The following HEATR3 variants were observed in gnomAD, a reference collection of about 807,000 sequenced individuals.
HEATR3 encodes the protein HEAT repeat containing 3.
Under a neutral mutation model 72.8 loss-of-function variants are expected in HEATR3, and 56 were observed. The observed-to-expected ratio is 0.77, with a 90% CI of 0.62 to 0.96. The LOEUF is 0.96. HEATR3 is among the 40% of genes least tolerant of loss of function. The pLI is 0.00. For synonymous variants in HEATR3, 331 were observed against 318.1 expected, an observed-to-expected ratio of 1.04 and a Z score of -0.43; for missense variants, 747 against 831.4, an observed-to-expected ratio of 0.90 and a Z score of 1.25.
At position 50,074,627 on chromosome 16, in the gene HEATR3, A is replaced by T. The variant is rs1247230364; in HGVS notation, c.623-944A>T. 4 of 152,112 alleles carry T rather than the reference A, an allele frequency of 2.6e-5. No individual in the cohort carries two copies. In the East Asian group the frequency reaches 7.8e-4, roughly 30 times the overall value. 9.4% of individuals were successfully genotyped at this position (152,112 alleles called of 1,614,324 possible). ...AGTGCTGGGATTACGGGCATGAGCC[A>T]CCGCACCCGGCCTGAGGATAAACTT... On this transcript the variant is annotated intron_variant, in intron 5 of 14. Transcript: ENST00000299192.
chr16:50,101,573 C>T (rs2037366338), intron 13 of HEATR3, among the ~76,000 whole-genome samples: 1 of 152,138 alleles, frequency 6.6e-6, no homozygotes, highest in Non-Finnish European at 1.5e-5. Context: ...TGAACAGTTC[C>T]TCCCCGGCAC....
Position 50,102,606 on chromosome 16 carries a change from G to A in HEATR3, c.1920+171G>A, listed in dbSNP as rs991579037. 1.3e-5 allele frequency among the ~76,000 whole-genome samples: 2 copies of A among 152,134 alleles called. No homozygotes were observed. The highest frequency in any genetic ancestry group is 2.9e-5 in the Non-Finnish European group (2 of 68,030). ...TCGTTGACTGAGTCATAGCTCAACA[G>A]TGTGACTACTGAATCATTGAAACTG... On this transcript the variant is annotated intron_variant, in intron 14 of 14. Coordinates refer to ENST00000299192, the MANE Select transcript of HEATR3 (RefSeq NM_182922.4).
intron 11 of HEATR3, among the ~76,000 whole-genome samples, chr16:50,089,515 G>A (rs1289436781): frequency 6.6e-6 from 1 of 152,092 alleles, no homozygotes; most frequent in Non-Finnish European, 1.5e-5. Flanking sequence ...CCCATCTGTG[G>A]CCTTCGTATC....
intron 12 of HEATR3, 63 bp from the exon 13 acceptor site, chr16:50,100,167 T>C: frequency 6.6e-7 from 1 of 1,526,608 alleles, no homozygotes; most frequent in Non-Finnish European, 8.9e-7. Flanking sequence ...AGTCCGGTTT[T>C]CACATGCTGA....
chr16:50,075,536 C>T (rs2036705792), intron 5 of HEATR3, 35 bp from the exon 6 acceptor site: 2 of 1,580,144 alleles, frequency 1.3e-6, no homozygotes, highest in African/African-American at 2.7e-5. Flanking sequence ...AAGCAGAATT[C>T]ATTTGTTTCT....
chr16:50,079,469 C>G lies in HEATR3; in HGVS notation c.1041+451C>G, dbSNP rs76216495. Among the ~76,000 whole-genome samples, 1,242 of 152,216 alleles carry G rather than the reference C, an allele frequency of 8.2e-3. 15 individuals carry two copies. Among genetic ancestry groups the G allele is most frequent in the African/African-American group, 0.028 (1,150 of 41,540 alleles). ...AAACCTTCATTTATCCAGTACTGAT[C>G]CAAAGAGGTTGGGTGACTGTGAGAT... is the stretch of plus-strand genomic sequence containing the variant. On this transcript the variant is annotated intron_variant, in intron 7 of 14. Coordinates refer to ENST00000299192, the MANE Select transcript of HEATR3 (RefSeq NM_182922.4).
intron 12 of HEATR3, among the ~76,000 whole-genome samples, chr16:50,095,653 A>G (rs1392544354): frequency 6.6e-6 from 1 of 151,880 alleles, no homozygotes; most frequent in Non-Finnish European, 1.5e-5. Context: ...TCAGCCTCCC[A>G]AGTAGCTGGG....
intron 11 of HEATR3, among the ~76,000 whole-genome samples, chr16:50,089,138 GT>G (rs1169278264): frequency 1.3e-5 from 2 of 152,114 alleles, no homozygotes; most frequent in Non-Finnish European, 2.9e-5. Context: ...ATAATGGAAA[GT>G]TTCTGAATTG....
At chr16:50,073,342 G>A (rs2036654026) in intron 5 of HEATR3, 1 of 152,364 alleles carries the variant, frequency 6.6e-6, no homozygotes, top group South Asian at 2.1e-4. Flanking sequence ...AGAATTCTGG[G>A]TGGGAGTGGA....
intron 5 of HEATR3, 167 bp downstream of exon 5, chr16:50,072,881 A>G (rs2036644452): frequency 1.8e-6 from 1 of 564,670 alleles, no homozygotes; most frequent in African/African-American, 1.9e-5. Flanking sequence ...GATTAATATT[A>G]ATTCTTTACC....
intron 14 of HEATR3, 39 bp downstream of exon 14, chr16:50,102,474 C>A: frequency 6.3e-7 from 1 of 1,578,698 alleles, no homozygotes. Flanking sequence ...TAAGTCTGAA[C>A]ATTCTGTGGG....
chr16:50,078,782 C>A lies in HEATR3; in HGVS notation c.805C>A (p.Gln269Lys). Reference sequence around the variant, plus strand: ...AAAGGACATTATTCCATGCAAGAGTCAAGCAGAAATCATAAATGCCTTACT... The same window carrying A: ...AAAGGACATTATTCCATGCAAGAGTAAAGCAGAAATCATAAATGCCTTACT... ...NLKDIIPCKS[Q>K]AEIINALLKI... The change falls in exon 7 of 15, where the codon CAA becomes AAA. Residue 269 changes from glutamine (Q) to lysine (K), a missense_variant. Gln to Lys is a moderately conservative substitution (Grantham distance 53). Coordinates refer to ENST00000299192, the MANE Select transcript of HEATR3 (RefSeq NM_182922.4). 6.2e-7 allele frequency: 1 copy of A among 1,613,888 alleles called. No homozygotes were observed. Among genetic ancestry groups the A allele is most frequent in the South Asian group, 1.1e-5 (1 of 91,044 alleles).
Position 50,105,539 on chromosome 16 carries a change from G to C in HEATR3, c.*478G>C, listed in dbSNP as rs1597188436. ...GTTTTTTTGTGTGTGTGTTTTGTTT[G>C]TTTGTTTTGTTTTGTTGTTTTTTTC... On this transcript the variant is annotated 3_prime_UTR_variant, in exon 15 of 15. Transcript: ENST00000299192. 6.6e-6 allele frequency: 1 copy of C among 152,668 alleles called. No homozygotes were observed. The highest frequency in any genetic ancestry group is 6.6e-5 in the Admixed American group (1 of 15,106). The allele number at this position is 152,668 out of a possible 1,614,324, so 9.5% of individuals were successfully genotyped here. A position where few individuals can be genotyped will look rare whatever the true frequency, so the allele number is the denominator to read the frequency against.
intron 13 of HEATR3, 77 bp from the exon 14 acceptor site, chr16:50,102,182 G>A (rs913452700): frequency 2.4e-6 from 3 of 1,227,706 alleles, no homozygotes; most frequent in African/African-American, 3.0e-5. Flanking sequence ...GTATGCATGA[G>A]TTATTGCCAC....
intron 4 of HEATR3, 143 bp downstream of exon 4, chr16:50,070,433 C>T: frequency 2.6e-6 from 1 of 377,426 alleles, no homozygotes; most frequent in South Asian, 4.3e-5. Context: ...GACATGGTGG[C>T]TCATGCCTGT....
intron 7 of HEATR3, among the ~76,000 whole-genome samples, chr16:50,081,519 G>T (rs534617745): frequency 2.3e-4 from 35 of 152,108 alleles, no homozygotes; most frequent in Middle Eastern, 3.4e-3. Context: ...GTGGGGCGGG[G>T]GGTAGAGGAG....
chr16:50,092,436 CTTTTT>C lies in HEATR3; in HGVS notation c.1511-2257_1511-2253del, dbSNP rs375532097. Among the ~76,000 whole-genome samples the C allele has an allele frequency of 2.8e-4, 30 of 106,026 alleles. 1 individual carries two copies. The highest frequency in any genetic ancestry group is 1.1e-3 in the African/African-American group (29 of 27,064). 69.6% of individuals were successfully genotyped at this position (106,026 alleles called of 152,430 possible). ...GGTCATTCTTTTTTTTTTCTTTTTTCTTTTTTTTTTTTTTTTCCTGAGACGAGTCT... is the reference window on the plus strand; with the variant it reads ...GGTCATTCTTTTTTTTTTCTTTTTTCTTTTTTTTTTTCCTGAGACGAGTCT... On this transcript the variant is annotated intron_variant, in intron 11 of 14. Transcript: ENST00000299192.
chr16:50,086,484 T>G (rs2036991330), intron 11 of HEATR3, 133 bp downstream of exon 11: 4 of 974,398 alleles, frequency 4.1e-6, no homozygotes, highest in South Asian at 1.8e-5. Flanking sequence ...GAATCATGTA[T>G]TTATAGTTGC....
intron 12 of HEATR3, among the ~76,000 whole-genome samples, chr16:50,096,287 T>G (rs2037233393): frequency 7.9e-6 from 1 of 126,620 alleles, no homozygotes; most frequent in African/African-American, 3.1e-5. Context: ...ATCATGCCAC[T>G]GCACTCCAGC....
Sources: gnomAD v4.1 joint callset for allele counts (sites outside exome capture counted in the v4.1 genomes callset) on GRCh38, gnomAD v4.1.1 for gene constraint, MANE v1.5 for transcripts, NCBI Gene and HGNC (gene_info 2026-07-23, HGNC 2026-07-21) for gene names.